ARHGAP24: variants seen among roughly 807,000 people sequenced by gnomAD.
The protein encoded by ARHGAP24 is rho GTPase-activating protein 24.
A neutral mutation model predicts 76.4 loss-of-function variants in ARHGAP24; 50 were observed. The observed-to-expected ratio is 0.65, with a 90% CI of 0.52 to 0.83. ARHGAP24 has a LOEUF of 0.83. ARHGAP24 is among the 40% of genes least tolerant of loss of function. The pLI is 0.00. For missense variants in ARHGAP24, 930 were observed against 914.2 expected (o/e 1.02, Z -0.22); for synonymous variants, 345 against 323.3 (o/e 1.07, Z -0.72).
At chr4:85,590,196 T>TGCCTGCCTG (rs1560543840) in intron 2 of ARHGAP24, among the ~76,000 whole-genome samples, 5 of 10,600 alleles carry the variant, frequency 4.7e-4, no homozygotes, top group African/African-American at 8.5e-4. Flanking sequence ...CTGCCTGCCT[T>TGCCTGCCTG]CCTTCCTTCC....
At chr4:85,785,131 C>T (rs1727771606) in intron 3 of ARHGAP24, among the ~76,000 whole-genome samples, 1 of 152,098 alleles carries the variant, frequency 6.6e-6, no homozygotes, top group South Asian at 2.1e-4. Context: ...GTGTGTCATC[C>T]TGTGTGTTAC....
At chr4:85,531,453 A>T (rs994645088) in intron 1 of ARHGAP24, among the ~76,000 whole-genome samples, 1 of 152,070 alleles carries the variant, frequency 6.6e-6, no homozygotes, top group Non-Finnish European at 1.5e-5. Context: ...ATTCCTACTC[A>T]CAAATGACTT....
chr4:85,790,901 A>T (rs1203916966), intron 3 of ARHGAP24, among the ~76,000 whole-genome samples: 1 of 152,196 alleles, frequency 6.6e-6, no homozygotes, highest in Admixed American at 6.5e-5. Context: ...AGCCAAGTTT[A>T]GTGTGACTGT....
At chr4:85,938,107 A>G (rs758502865) in intron 4 of ARHGAP24, among the ~76,000 whole-genome samples, 3 of 152,182 alleles carry the variant, frequency 2.0e-5, no homozygotes, top group Non-Finnish European at 4.4e-5. Context: ...TGTGTGCGCC[A>G]CTGGAAACAG....
chr4:85,491,227 TTAA>T (rs1226426092), intron 1 of ARHGAP24, among the ~76,000 whole-genome samples: 1 of 152,216 alleles, frequency 6.6e-6, no homozygotes, highest in Non-Finnish European at 1.5e-5. Flanking sequence ...TTTTTCATAA[TTAA>T]TGATTGGTTT....
chr4:85,597,028 G>T (rs146336346), intron 2 of ARHGAP24, among the ~76,000 whole-genome samples: 1 of 152,176 alleles, frequency 6.6e-6, no homozygotes, highest in Non-Finnish European at 1.5e-5. Context: ...GATTCATGCA[G>T]TGTACTCAGT....
chr4:85,546,923 TTTA>T (rs1725941552), intron 1 of ARHGAP24, among the ~76,000 whole-genome samples: 1 of 152,334 alleles, frequency 6.6e-6, no homozygotes, highest in South Asian at 2.1e-4. Context: ...TCTCTATGTA[TTTA>T]TTATTTTTTT....
chr4:85,703,474 C>A (rs1225938899), intron 2 of ARHGAP24, among the ~76,000 whole-genome samples: 1 of 152,028 alleles, frequency 6.6e-6, no homozygotes, highest in Admixed American at 6.6e-5. Context: ...TCAAAATACC[C>A]CCAAGATAAT....
chr4:85,667,985 T>C (rs1339928498), intron 2 of ARHGAP24, among the ~76,000 whole-genome samples: 3 of 152,198 alleles, frequency 2.0e-5, no homozygotes, highest in Non-Finnish European at 4.4e-5. Flanking sequence ...ATGTTTTGCT[T>C]AAGTGGTTGA....
Position 85,932,362 on chromosome 4 carries a change from C to A in ARHGAP24, c.391+8592C>A, listed in dbSNP as rs180807520. Among the ~76,000 whole-genome samples, 20 of 151,910 alleles carry A rather than the reference C, an allele frequency of 1.3e-4. No homozygotes were observed. The East Asian group carries it at 3.9e-3, about 29-fold the overall frequency. Reference sequence around the variant, plus strand: ...AAACTAAATTGGTTCTATGCAAACACGACTTTTCAGGGTTACTGCTGTCCA... The same window carrying A: ...AAACTAAATTGGTTCTATGCAAACAAGACTTTTCAGGGTTACTGCTGTCCA... On this transcript the variant is annotated intron_variant, in intron 4 of 9. Coordinates refer to ENST00000395184, the MANE Select transcript of ARHGAP24 (RefSeq NM_001025616.3).
intron 3 of ARHGAP24, among the ~76,000 whole-genome samples, chr4:85,874,169 C>T (rs1213096951): frequency 1.3e-5 from 2 of 152,142 alleles, no homozygotes; most frequent in Admixed American, 6.6e-5. Context: ...ATATTGGAAG[C>T]ACAGTGAAAT....
intron 3 of ARHGAP24, among the ~76,000 whole-genome samples, chr4:85,787,969 A>C (rs993318892): frequency 6.6e-6 from 1 of 152,214 alleles, no homozygotes; most frequent in Non-Finnish European, 1.5e-5. Context: ...ATGGGTGTCT[A>C]AGAAGATGTG....
chr4:85,495,524 T>TA (rs397994351), intron 1 of ARHGAP24, among the ~76,000 whole-genome samples: 4 of 148,976 alleles, frequency 2.7e-5, no homozygotes, highest in Non-Finnish European at 4.5e-5. Flanking sequence ...CTAATTTTTT[T>TA]ATATTTTTAG....
At chr4:85,665,593 C>T (rs1421595458) in intron 2 of ARHGAP24, among the ~76,000 whole-genome samples, 1 of 152,190 alleles carries the variant, frequency 6.6e-6, no homozygotes, top group Admixed American at 6.5e-5. Flanking sequence ...TTAGTTGATG[C>T]AGTTTCTTCC....
intron 2 of ARHGAP24, among the ~76,000 whole-genome samples, chr4:85,718,308 CTT>C (rs1243000114): frequency 2.0e-5 from 3 of 151,986 alleles, no homozygotes; most frequent in Non-Finnish European, 1.5e-5. Flanking sequence ...CAATACATGA[CTT>C]TTAAGTTTTG....
At position 85,570,725 on chromosome 4, in the gene ARHGAP24, A is replaced by T; in HGVS notation, c.180+4A>T. The T allele has an allele frequency of 6.2e-7, 1 of 1,613,950 alleles. No individual in the cohort carries two copies. On this transcript the variant is annotated splice_donor_region_variant and intron_variant, in intron 2 of 9. Coordinates refer to ENST00000395184, the MANE Select transcript of ARHGAP24 (RefSeq NM_001025616.3). ...TGAAGATGAAACCAAGCCCTTGGTG[A>T]GTAGGAGAAAATGTAAAGCATTAAG...
rs188206132 is a variant in ARHGAP24, at chr4:85,964,239, T to A, written c.600-7797T>A. ...AGTCCTGGGGACAGTCAAATTTAGT[T>A]TGACTTCTAGGTTTCTTGCTTGTTT... On this transcript the variant is annotated intron_variant, in intron 5 of 9. Transcript: ENST00000395184. 1.4e-4 allele frequency among the ~76,000 whole-genome samples: 21 copies of A among 152,230 alleles called. No homozygotes were observed. The East Asian group carries it at 4.1e-3, about 29-fold the overall frequency.
rs889506169 is a variant in ARHGAP24 at position 86,002,376 on chromosome 4, A to G, written c.*1654A>G. 2.0e-5 allele frequency: 3 copies of G among 152,116 alleles called. No homozygotes were observed. The highest frequency in any genetic ancestry group is 7.2e-5 in the African/African-American group (3 of 41,408). 9.4% of individuals were successfully genotyped at this position (152,116 alleles called of 1,614,324 possible). On this transcript the variant is annotated 3_prime_UTR_variant, in exon 10 of 10. Coordinates refer to ENST00000395184, the MANE Select transcript of ARHGAP24 (RefSeq NM_001025616.3). ...TTCCCTTTTCTCTCTCTTTCCAATT[A>G]TTTAACCAGTTACTTCCACCTGGAC...
intron 2 of ARHGAP24, among the ~76,000 whole-genome samples, chr4:85,696,598 T>C (rs1484479555): frequency 3.9e-5 from 6 of 152,232 alleles, no homozygotes; most frequent in Non-Finnish European, 1.5e-5. Context: ...GCTTTTGTAT[T>C]ATTTTAAGAT....
Sources: gnomAD v4.1 joint callset for allele counts (sites outside exome capture counted in the v4.1 genomes callset) on GRCh38, gnomAD v4.1.1 for gene constraint, MANE v1.5 for transcripts, NCBI Gene and HGNC (gene_info 2026-07-23, HGNC 2026-07-21) for gene names.